DOK3: variants seen among roughly 807,000 people sequenced by gnomAD.
DOK3 encodes docking protein 3.
A neutral mutation model predicts 26.2 loss-of-function variants in DOK3; 23 were observed. The observed-to-expected ratio is 0.88, with a 90% CI of 0.63 to 1.24. DOK3 has a LOEUF of 1.24. Among genes scored for constraint, DOK3 ranks in the 50% most tolerant of loss-of-function variants. The pLI, the probability that DOK3 is intolerant of heterozygous loss-of-function variation, is 0.00. For missense variants in DOK3, 619 were observed against 610.6 expected (o/e 1.01, Z -0.15); for synonymous variants, 268 against 268.2 (o/e 1.00, Z 0.01).
chr5:177,503,439 G>A lies in DOK3; in HGVS notation c.*544C>T. On this transcript the variant is annotated 3_prime_UTR_variant, in exon 6 of 6. Coordinates refer to ENST00000510898, the MANE Select transcript of DOK3 (RefSeq NM_001308236.3). Reference sequence around the variant, plus strand: ...GCAGGGAACAAGTGTTTTGGACGAGGGTGTCTCTGAAATCCCTTCCACCTG... The same window carrying A: ...GCAGGGAACAAGTGTTTTGGACGAGAGTGTCTCTGAAATCCCTTCCACCTG... 2 of 1,496,828 alleles carry A rather than the reference G, an allele frequency of 1.3e-6. No individual in the cohort carries two copies. Among genetic ancestry groups the A allele is most frequent in the Non-Finnish European group, 1.8e-6 (2 of 1,114,924 alleles). The allele number at this position is 1,496,828 out of a possible 1,614,324, so 92.7% of individuals were successfully genotyped here.
At position 177,503,491 on chromosome 5, in the gene DOK3, G is replaced by C; in HGVS notation, c.*492C>G. 6.9e-7 allele frequency: 1 copy of C among 1,448,464 alleles called. No individual in the cohort carries two copies. The highest frequency in any genetic ancestry group is 9.1e-7 in the Non-Finnish European group (1 of 1,099,748). 89.7% of individuals were successfully genotyped at this position (1,448,464 alleles called of 1,614,324 possible). ...ACCCCGCCCCCACTGCCTCCTCCCA[G>C]CTCGGGCCTCCGGGTCTCCAGTTGG... On this transcript the variant is annotated 3_prime_UTR_variant, in exon 6 of 6. Transcript: ENST00000510898.
upstream of DOK3, chr5:177,510,313 A>C: frequency 9.9e-6 from 2 of 202,000 alleles, no homozygotes; most frequent in African/African-American, 2.3e-5. Flanking sequence ...GCCTCCCTTG[A>C]CCACTCCACG....
At position 177,501,915 on chromosome 5, in the gene DOK3, A is replaced by C. The variant is rs1759397092; in HGVS notation, c.*2068T>G. The C allele has an allele frequency of 6.6e-6, 1 of 152,196 alleles. No homozygotes were observed. Among genetic ancestry groups the C allele is most frequent in the African/African-American group, 2.4e-5 (1 of 41,434 alleles). 9.4% of individuals were successfully genotyped at this position (152,196 alleles called of 1,614,324 possible). A position where few individuals can be genotyped will look rare whatever the true frequency, so the allele number is the denominator to read the frequency against. Reference sequence around the variant, plus strand: ...CCCAGGCATGGGCATTTGATTTTTAAAATTTTTTATTTTCTTGGTAGATCA... The same window carrying C: ...CCCAGGCATGGGCATTTGATTTTTACAATTTTTTATTTTCTTGGTAGATCA... On this transcript the variant is annotated 3_prime_UTR_variant, in exon 6 of 6. Coordinates refer to ENST00000510898, the MANE Select transcript of DOK3 (RefSeq NM_001308236.3).
intron 3 of DOK3, among the ~76,000 whole-genome samples, chr5:177,506,609 G>A (rs1760199424): frequency 6.6e-6 from 1 of 151,498 alleles, no homozygotes. Flanking sequence ...AAAGTGCTGG[G>A]ATTACAGGTG....
At chr5:177,510,338 A>T (rs2279397), upstream of DOK3, 16,163 of 179,190 alleles carry the variant, frequency 0.09, 1,081 homozygotes, top group African/African-American at 0.18. Context: ...CCGAGAGCTC[A>T]AAGGCCCTCA....
chr5:177,507,796 G>A (rs774146711), intron 3 of DOK3, among the ~76,000 whole-genome samples: 2 of 152,178 alleles, frequency 1.3e-5, no homozygotes, highest in Admixed American at 6.5e-5. Flanking sequence ...ATGGCCTAGG[G>A]CATTTCAGCC....
rs1759494846 is a variant in DOK3 at position 177,502,930 on chromosome 5, AG to A, written c.*1052del. On this transcript the variant is annotated 3_prime_UTR_variant, in exon 6 of 6. Transcript: ENST00000510898. ...AGGGTCCCTGCAGGTCGACATGCCT[AG>A]GCAGGGGCGGTACTGGCCGCACTAA... 8 of 932,188 alleles carry A rather than the reference AG, an allele frequency of 8.6e-6. No homozygotes were observed. Among genetic ancestry groups the A allele is most frequent in the Non-Finnish European group, 1.1e-5 (7 of 633,024 alleles). The allele number at this position is 932,188 out of a possible 1,614,324, so 57.7% of individuals were successfully genotyped here.
At position 177,504,337 on chromosome 5, in the gene DOK3, C is replaced by A. The variant is rs1298072754; in HGVS notation, c.969G>T (p.Gly323=). 1 of 1,586,874 alleles carries A rather than the reference C, an allele frequency of 6.3e-7. No homozygotes were observed. The highest frequency in any genetic ancestry group is 1.1e-5 in the South Asian group (1 of 87,770). The stretch of plus-strand genomic sequence containing the variant: ...CACGCTTGCACACTGAAGCGTAGAG[C>A]CCGGACGCCAGATCGTTGGGCTCCG... ...LGPEPNDLAS[G]LYASVCKRAS... Residue 323 remains glycine, a synonymous_variant, in exon 6 of 6, where the codon GGG becomes GGT. Coordinates refer to ENST00000510898, the MANE Select transcript of DOK3 (RefSeq NM_001308236.3).
Position 177,504,339 on chromosome 5 carries a change from CG to C in DOK3, c.966del (p.Leu324SerfsTer59). 3.2e-6 allele frequency: 5 copies of C among 1,585,962 alleles called. No homozygotes were observed. The highest frequency in any genetic ancestry group is 4.3e-6 in the Non-Finnish European group (5 of 1,163,190). ...CGCTTGCACACTGAAGCGTAGAGCC[CG>C]GACGCCAGATCGTTGGGCTCCGGGC... ...LLGPEPNDLA[S>X]GLYASVCKRA... On this transcript the variant is annotated frameshift_variant, in exon 6 of 6. Transcript: ENST00000510898. LOFTEE classifies it low-confidence loss of function (END_TRUNC).
At position 177,503,503 on chromosome 5, in the gene DOK3, G is replaced by T; in HGVS notation, c.*480C>A. 4 of 1,442,252 alleles carry T rather than the reference G, an allele frequency of 2.8e-6. No individual in the cohort carries two copies. The highest frequency in any genetic ancestry group is 3.6e-6 in the Non-Finnish European group (4 of 1,098,698). The allele number at this position is 1,442,252 out of a possible 1,614,324, so 89.3% of individuals were successfully genotyped here. ...CTGCCTCCTCCCAGCTCGGGCCTCC[G>T]GGTCTCCAGTTGGGCCCTCATGTTG... On this transcript the variant is annotated 3_prime_UTR_variant, in exon 6 of 6. Coordinates refer to ENST00000510898, the MANE Select transcript of DOK3 (RefSeq NM_001308236.3).
upstream of DOK3, chr5:177,510,014 T>C: frequency 1.1e-6 from 1 of 887,218 alleles, no homozygotes; most frequent in South Asian, 1.6e-5. Flanking sequence ...CTTTTCTTTC[T>C]CCCTGAAATC....
At position 177,508,527 on chromosome 5, in the gene DOK3, C is replaced by G. The variant is rs750692010; in HGVS notation, c.82G>C (p.Val28Leu). ...CCTCCTGCATACAGCAGAGCCCACACCTTCCGCCAGCACTTCTGCGGGAGG... is the reference window on the plus strand; with the variant it reads ...CCTCCTGCATACAGCAGAGCCCACAGCTTCCGCCAGCACTTCTGCGGGAGG... ...VKFGKKCWRKVWALLYAGGPS... is the reference protein window; with the variant it reads ...VKFGKKCWRKLWALLYAGGPS... Residue 28 changes from valine to leucine, a missense_variant, in exon 3 of 6, where the codon GTG (valine) becomes CTG (leucine). Coordinates refer to ENST00000510898, the MANE Select transcript of DOK3 (RefSeq NM_001308236.3). The G allele has an allele frequency of 1.3e-6, 2 of 1,551,194 alleles. No homozygotes were observed. Among genetic ancestry groups the G allele is most frequent in the East Asian group, 4.7e-5 (2 of 42,430 alleles).
At chr5:177,506,029 C>T (rs970702937) in intron 3 of DOK3, among the ~76,000 whole-genome samples, 3 of 146,800 alleles carry the variant, frequency 2.0e-5, no homozygotes, top group Non-Finnish European at 3.0e-5. Flanking sequence ...TGAGCCACCG[C>T]GCCCAGCCCG....
chr5:177,506,815 G>A (rs563655574), intron 3 of DOK3, among the ~76,000 whole-genome samples: 7 of 150,234 alleles, frequency 4.7e-5, no homozygotes, highest in South Asian at 2.1e-4. Context: ...TCAGCCTCCC[G>A]AGTAGCTGGC....
In DOK3 at chr5:177,503,471, GCCCCCA is replaced by G; in HGVS notation, c.*506_*511del. ...CTGAAATCCCTTCCACCTGCACCCCGCCCCCACTGCCTCCTCCCAGCTCGGGCCTCC... is the reference window on the plus strand; with the variant it reads ...CTGAAATCCCTTCCACCTGCACCCCGCTGCCTCCTCCCAGCTCGGGCCTCC... On this transcript the variant is annotated 3_prime_UTR_variant, in exon 6 of 6. Transcript: ENST00000510898. 5 of 1,460,436 alleles carry G rather than the reference GCCCCCA, an allele frequency of 3.4e-6. No individual in the cohort carries two copies. The South Asian group carries it at 7.2e-5, about 21-fold the overall frequency. The allele number at this position is 1,460,436 out of a possible 1,614,324, so 90.5% of individuals were successfully genotyped here. A position where few individuals can be genotyped will look rare whatever the true frequency, so the allele number is the denominator to read the frequency against.
intron 3 of DOK3, among the ~76,000 whole-genome samples, chr5:177,505,860 C>A (rs966695032): frequency 5.9e-5 from 9 of 152,078 alleles, no homozygotes; most frequent in African/African-American, 1.9e-4. Flanking sequence ...CCTCAGCCTC[C>A]CAAGTAGCTG....
chr5:177,503,222 T>C lies in DOK3; in HGVS notation c.*761A>G, dbSNP rs558621957. 3.2e-6 allele frequency: 5 copies of C among 1,551,612 alleles called. No individual in the cohort carries two copies. Among genetic ancestry groups the C allele is most frequent in the East Asian group, 2.4e-5 (1 of 40,902 alleles). On this transcript the variant is annotated 3_prime_UTR_variant, in exon 6 of 6. Transcript: ENST00000510898. ...TCAGGAAACTTCTCTCCCCCTGGAA[T>C]GTCGGCTCCCGGAGAACAGGACCAA... is the stretch of plus-strand genomic sequence containing the variant.
rs201706502 is a variant in DOK3, at chr5:177,503,085, C to T, written c.*898G>A. The T allele has an allele frequency of 7.0e-5, 108 of 1,547,884 alleles. No individual in the cohort carries two copies. The East Asian group carries it at 1.8e-3, about 26-fold the overall frequency. The stretch of plus-strand genomic sequence containing the variant: ...GGTGTGTGCAGCTGAGGTGGAGTTG[C>T]GGTGAGGGGCTGGGCAGTCAGAGCC... On this transcript the variant is annotated 3_prime_UTR_variant, in exon 6 of 6. Transcript: ENST00000510898.
At chr5:177,505,315 C>A (rs1759971277) in intron 3 of DOK3, among the ~76,000 whole-genome samples, 1 of 152,156 alleles carries the variant, frequency 6.6e-6, no homozygotes. Context: ...CTGGGCTGGG[C>A]AAGAGGCACT....
Sources: allele counts gnomAD v4.1 joint callset (sites outside exome capture counted in the v4.1 genomes callset), GRCh38; gene constraint gnomAD v4.1.1; transcripts MANE v1.5; gene names NCBI Gene and HGNC (gene_info 2026-07-23, HGNC 2026-07-21).